The following GALK2 variants were observed in gnomAD, a reference collection of about 807,000 sequenced individuals.
GALK2 encodes galactokinase 2.
GALK2 carries 36 observed loss-of-function variants against 52.4 expected under a neutral mutation model. The ratio of observed to expected loss-of-function variants is 0.69; its 90% CI spans 0.53 to 0.91. GALK2 has a LOEUF of 0.91. Ranked by LOEUF, GALK2 falls within the 40% of genes least tolerant of loss-of-function variation. The probability of loss-of-function intolerance (pLI) is 0.00; values close to 1 mark genes in which losing one functional copy is unlikely to be tolerated. For missense variants in GALK2, 579 were observed against 559.1 expected, an observed-to-expected ratio of 1.04 and a Z score of -0.36; for synonymous variants, 176 against 199.1, an observed-to-expected ratio of 0.88 and a Z score of 0.98.
chr15:49,334,293 C>T, downstream of GALK2: 1 of 962,858 alleles, frequency 1.0e-6, no homozygotes, highest in Non-Finnish European at 1.2e-6. Flanking sequence ...GAGCTTTTCC[C>T]TATAAAGTTA....
intron 5 of GALK2, among the ~76,000 whole-genome samples, chr15:49,249,001 T>G (rs1260322999): frequency 2.0e-5 from 3 of 152,144 alleles, no homozygotes; most frequent in Non-Finnish European, 4.4e-5. Flanking sequence ...ACTCAGTGAC[T>G]GTGTTTCAAG....
chr15:49,200,009 G>A (rs1566929975), intron 1 of GALK2, among the ~76,000 whole-genome samples: 1 of 151,820 alleles, frequency 6.6e-6, no homozygotes, highest in Non-Finnish European at 1.5e-5. Context: ...TTTGGGTGTG[G>A]GTCTCTGTTT....
At chr15:49,192,366 G>A (rs2086787177) in intron 1 of GALK2, among the ~76,000 whole-genome samples, 1 of 150,920 alleles carries the variant, frequency 6.6e-6, no homozygotes, top group African/African-American at 2.4e-5. Context: ...CAGTTTCATT[G>A]CACTTCATTT....
At chr15:49,186,599 G>T (rs2086363753) in intron 1 of GALK2, among the ~76,000 whole-genome samples, 2 of 149,374 alleles carry the variant, frequency 1.3e-5, no homozygotes, top group African/African-American at 4.9e-5. Context: ...GAGTGCAGTG[G>T]TGCAATCTCA....
intron 5 of GALK2, among the ~76,000 whole-genome samples, chr15:49,258,839 A>T (rs1304391999): frequency 5.4e-5 from 8 of 147,924 alleles, no homozygotes; most frequent in African/African-American, 2.0e-4. Flanking sequence ...TGAGAGAGAG[A>T]GAGAGAGAGA....
In GALK2 at chr15:49,360,277, T is replaced by C. The variant is rs2043977987; in HGVS notation, c.427-7214T>C. 2.6e-5 allele frequency among the ~76,000 whole-genome samples: 4 copies of C among 151,446 alleles called. No homozygotes were observed. In the South Asian group the frequency reaches 8.4e-4, roughly 32 times the overall value. Reference sequence around the variant, plus strand: ...AAGTCTGTGTATGCATGTGTGATAGTGGGAGCATGTGTTTATAGTAACATT... The same window carrying C: ...AAGTCTGTGTATGCATGTGTGATAGCGGGAGCATGTGTTTATAGTAACATT... On this transcript the variant is annotated intron_variant, in intron 3 of 3. Coordinates refer to the GALK2 transcript ENST00000558399.
At chr15:49,221,652 A>T (rs1002350002) in intron 3 of GALK2, among the ~76,000 whole-genome samples, 1 of 151,984 alleles carries the variant, frequency 6.6e-6, no homozygotes, top group African/African-American at 2.4e-5. Context: ...GGGCAACAAG[A>T]GCAAAATCTC....
chr15:49,207,357 G>A (rs2088382472), intron 2 of GALK2, among the ~76,000 whole-genome samples: 1 of 152,124 alleles, frequency 6.6e-6, no homozygotes, highest in Admixed American at 6.5e-5. Flanking sequence ...TTCATAAAAT[G>A]AATTCGTAAA....
At chr15:49,264,053 G>C (rs980274929) in intron 5 of GALK2, among the ~76,000 whole-genome samples, 5 of 151,772 alleles carry the variant, frequency 3.3e-5, no homozygotes, top group African/African-American at 1.2e-4. Context: ...GTGTCTTGGA[G>C]TTGCTCTTCT....
At position 49,356,918 on chromosome 15, in the gene GALK2, G is replaced by A. The variant is rs1158847321; in HGVS notation, c.427-10573G>A. 1.6e-4 allele frequency among the ~76,000 whole-genome samples: 23 copies of A among 145,300 alleles called. No individual in the cohort carries two copies. The East Asian group carries it at 4.5e-3, about 28-fold the overall frequency. ...CACAGTGCAATCAAACTAGAACTCA[G>A]GATTAAGAATCTCACTCAAAACCGC... On this transcript the variant is annotated intron_variant, in intron 3 of 3. Transcript: ENST00000558399.
At position 49,367,635 on chromosome 15, in the gene GALK2, C is replaced by T. The variant is rs758091348; in HGVS notation, c.*99C>T. On this transcript the variant is annotated 3_prime_UTR_variant, in exon 4 of 4. Coordinates refer to the GALK2 transcript ENST00000558399. Reference sequence around the variant, plus strand: ...TGTAAGAGGAAGAAAATAATCAAGACAACGATTACTTTTGTGTTTCTAAAA... The same window carrying T: ...TGTAAGAGGAAGAAAATAATCAAGATAACGATTACTTTTGTGTTTCTAAAA... 4.3e-5 allele frequency: 66 copies of T among 1,527,794 alleles called. No individual in the cohort carries two copies. The Admixed American group carries it at 4.3e-4, about 10-fold the overall frequency. 94.6% of individuals were successfully genotyped at this position (1,527,794 alleles called of 1,614,324 possible).
intron 5 of GALK2, among the ~76,000 whole-genome samples, chr15:49,260,088 A>G (rs1430556510): frequency 5.3e-5 from 8 of 151,966 alleles, no homozygotes; most frequent in African/African-American, 7.2e-5. Context: ...TCCTTTGGGT[A>G]TATACCCAGT....
chr15:49,281,351 C>G (rs950583952), intron 5 of GALK2, among the ~76,000 whole-genome samples: 3 of 152,114 alleles, frequency 2.0e-5, no homozygotes, highest in Non-Finnish European at 4.4e-5. Flanking sequence ...ATTTTGGAAG[C>G]CTTCGAAATG....
At chr15:49,244,384 T>C (rs1417591048) in intron 5 of GALK2, among the ~76,000 whole-genome samples, 1 of 152,050 alleles carries the variant, frequency 6.6e-6, no homozygotes, top group Non-Finnish European at 1.5e-5. Context: ...TTGAGTGTTA[T>C]AGAAAAGACA....
rs565110222 is a variant in GALK2 at position 49,281,858 on chromosome 15, C to T, written c.505-129C>T. On this transcript the variant is annotated intron_variant, in intron 5 of 9. Coordinates refer to ENST00000560031, the MANE Select transcript of GALK2 (RefSeq NM_002044.4). ...TGGAGCCCTTTTTAATGCAGTGCTC[C>T]AGGCAGGCTACTATTAGTTGATCAG... 13 of 610,490 alleles carry T rather than the reference C, an allele frequency of 2.1e-5. No homozygotes were observed. The South Asian group carries it at 2.9e-4, about 14-fold the overall frequency. 37.8% of individuals were successfully genotyped at this position (610,490 alleles called of 1,614,324 possible).
intron 3 of GALK2, among the ~76,000 whole-genome samples, chr15:49,340,255 A>G (rs1198351137): frequency 6.6e-6 from 1 of 152,144 alleles, no homozygotes; most frequent in African/African-American, 2.4e-5. Flanking sequence ...TATAGGCTCC[A>G]GAGGGGATTC....
rs141584812 is a variant in GALK2 at position 49,210,482 on chromosome 15, C to T, written c.143-6708C>T. Among the ~76,000 whole-genome samples, 343 of 151,618 alleles carry T rather than the reference C, an allele frequency of 2.3e-3. 2 individuals are homozygous for T. Among genetic ancestry groups the T allele is most frequent in the Non-Finnish European group, 3.8e-3 (255 of 67,916 alleles). On this transcript the variant is annotated intron_variant, in intron 2 of 9. Transcript: ENST00000560031. ...GAGATGGAGTTCTGCTCTTGTTGCC[C>T]AAGCTGGAGTGCAATGGTGCGATCT...
chr15:49,230,368 G>A (rs2090433581), intron 3 of GALK2, among the ~76,000 whole-genome samples: 1 of 152,214 alleles, frequency 6.6e-6, no homozygotes, highest in South Asian at 2.1e-4. Flanking sequence ...CACTTGGGGT[G>A]TTTCTCTTGC....
At chr15:49,352,991 G>C (rs766003966) in intron 3 of GALK2, among the ~76,000 whole-genome samples, 3 of 152,146 alleles carry the variant, frequency 2.0e-5, no homozygotes, top group African/African-American at 4.8e-5. Flanking sequence ...TCTTTTAGGG[G>C]ACTATGCACA....
Sources: allele counts gnomAD v4.1 joint callset (sites outside exome capture counted in the v4.1 genomes callset), GRCh38; gene constraint gnomAD v4.1.1; transcripts MANE v1.5; gene names NCBI Gene and HGNC (gene_info 2026-07-23, HGNC 2026-07-21).